CEP112: variants seen among roughly 807,000 people sequenced by gnomAD.
CEP112 encodes centrosomal protein of 112 kDa.
Under a neutral mutation model 153.0 loss-of-function variants are expected in CEP112, and 127 were observed. The ratio of observed to expected loss-of-function variants is 0.83; its 90% CI spans 0.72 to 0.96. CEP112 has a LOEUF of 0.96. CEP112 is among the 40% of genes least tolerant of loss of function. CEP112 has a pLI of 0.00. For synonymous variants in CEP112, 358 were observed against 374.4 expected (o/e 0.96, Z 0.51); for missense variants, 1,089 against 1,101.2 (o/e 0.99, Z 0.16).
intron 8 of CEP112, among the ~76,000 whole-genome samples, chr17:66,071,670 T>C (rs1288298700): frequency 6.6e-6 from 1 of 152,156 alleles, no homozygotes; most frequent in Non-Finnish European, 1.5e-5. Flanking sequence ...CAAAAAATCA[T>C]TCAGATTCTC....
intron 17 of CEP112, among the ~76,000 whole-genome samples, chr17:65,965,535 TTC>T (rs1491070314): frequency 4.1e-4 from 61 of 149,874 alleles, no homozygotes; most frequent in African/African-American, 1.2e-3. Context: ...TTTTTTTTTT[TTC>T]TTTGAGACAG....
chr17:66,019,970 T>C (rs926917772), intron 16 of CEP112, among the ~76,000 whole-genome samples: 1 of 152,258 alleles, frequency 6.6e-6, no homozygotes, highest in African/African-American at 2.4e-5. Context: ...GGTCTATCTC[T>C]ATGTGCGTAA....
chr17:66,070,769 G>T (rs2067282687), intron 8 of CEP112, among the ~76,000 whole-genome samples: 1 of 152,136 alleles, frequency 6.6e-6, no homozygotes, highest in Non-Finnish European at 1.5e-5. Flanking sequence ...TTGGTCACAT[G>T]ATTCCTCACA....
At chr17:66,147,602 T>C (rs191893267) in intron 4 of CEP112, among the ~76,000 whole-genome samples, 148 of 152,264 alleles carry the variant, frequency 9.7e-4, no homozygotes, top group African/African-American at 3.5e-3. Flanking sequence ...ACCAATGTCA[T>C]AAAGCTTTTC....
chr17:65,845,268 G>A (rs2057688563), intron 21 of CEP112, among the ~76,000 whole-genome samples: 1 of 152,074 alleles, frequency 6.6e-6, no homozygotes. Context: ...GTGGTGAGTC[G>A]AGATTGTACC....
intron 4 of CEP112, among the ~76,000 whole-genome samples, chr17:66,143,133 GA>G (rs1334878186): frequency 2.0e-5 from 3 of 152,134 alleles, no homozygotes; most frequent in Non-Finnish European, 1.5e-5. Flanking sequence ...GTATGAAACA[GA>G]AGAAATCAAG....
chr17:65,678,942 A>C (rs1453484202), intron 24 of CEP112, among the ~76,000 whole-genome samples: 1 of 152,096 alleles, frequency 6.6e-6, no homozygotes, highest in African/African-American at 2.4e-5. Flanking sequence ...AGAGTGCTTT[A>C]AGTGATCCTT....
chr17:66,099,099 T>C (rs1219708121), intron 6 of CEP112, among the ~76,000 whole-genome samples: 2 of 152,158 alleles, frequency 1.3e-5, no homozygotes, highest in African/African-American at 4.8e-5. Context: ...GAATCACTTC[T>C]GAGGTAGAGA....
intron 20 of CEP112, among the ~76,000 whole-genome samples, chr17:65,895,042 T>C (rs2059611481): frequency 6.6e-6 from 1 of 152,062 alleles, no homozygotes; most frequent in Non-Finnish European, 1.5e-5. Context: ...ATTAGCAATA[T>C]AATGGATTTA....
intron 21 of CEP112, among the ~76,000 whole-genome samples, chr17:65,763,614 A>C (rs2052747222): frequency 6.6e-6 from 1 of 151,574 alleles, no homozygotes; most frequent in African/African-American, 2.4e-5. Flanking sequence ...AGTCTATCAC[A>C]GTCTTCATTT....
At chr17:66,052,832 C>T (rs1377671946) in intron 12 of CEP112, among the ~76,000 whole-genome samples, 4 of 152,088 alleles carry the variant, frequency 2.6e-5, no homozygotes, top group Non-Finnish European at 5.9e-5. Context: ...AATGGCCAGG[C>T]GTGGTTGATC....
At chr17:66,030,070 C>T in intron 12 of CEP112, 47 bp from the exon 13 acceptor site, 1 of 1,535,430 alleles carries the variant, frequency 6.5e-7, no homozygotes. Context: ...TCAGTTGTAA[C>T]ACTTTTGTAT....
chr17:65,943,098 C>T (rs1237471582), intron 18 of CEP112, among the ~76,000 whole-genome samples: 1 of 151,986 alleles, frequency 6.6e-6, no homozygotes, highest in Non-Finnish European at 1.5e-5. Context: ...TAGATAGATA[C>T]ATAGATATGA....
At chr17:66,164,886 A>ATGTGTGTGTGTGTG (rs57252258) in intron 4 of CEP112, among the ~76,000 whole-genome samples, 10 of 137,506 alleles carry the variant, frequency 7.3e-5, no homozygotes, top group African/African-American at 2.5e-4. Flanking sequence ...ACACACATAT[A>ATGTGTGTGTGTGTG]TGTGTGTGTG....
intron 2 of CEP112, among the ~76,000 whole-genome samples, chr17:66,177,451 A>G (rs539813484): frequency 1.3e-5 from 2 of 151,940 alleles, no homozygotes; most frequent in South Asian, 4.2e-4. Flanking sequence ...TATTGTGAGT[A>G]CACAGTAGAT....
intron 19 of CEP112, among the ~76,000 whole-genome samples, chr17:65,926,215 G>C (rs778282086): frequency 2.0e-5 from 3 of 152,074 alleles, no homozygotes; most frequent in African/African-American, 4.8e-5. Flanking sequence ...AACACTTCCA[G>C]CTTGCTCTCT....
intron 21 of CEP112, among the ~76,000 whole-genome samples, chr17:65,822,539 T>C (rs2056643636): frequency 6.6e-6 from 1 of 152,226 alleles, no homozygotes; most frequent in Admixed American, 6.5e-5. Context: ...TTGTTATTTT[T>C]ATATTTTTAA....
chr17:66,080,068 C>G (rs952455471), intron 8 of CEP112, among the ~76,000 whole-genome samples: 5 of 152,026 alleles, frequency 3.3e-5, no homozygotes. Flanking sequence ...AGAAGAAAAC[C>G]TAGGCAATAC....
chr17:66,061,224 A>G (rs984517029), intron 11 of CEP112, among the ~76,000 whole-genome samples: 1 of 152,134 alleles, frequency 6.6e-6, no homozygotes, highest in African/African-American at 2.4e-5. Context: ...CCAAACTTAC[A>G]ATGAGATATC....
Sources: gnomAD v4.1 joint callset for allele counts (sites outside exome capture counted in the v4.1 genomes callset) on GRCh38, gnomAD v4.1.1 for gene constraint, MANE v1.5 for transcripts, NCBI Gene and HGNC (gene_info 2026-07-23, HGNC 2026-07-21) for gene names.